MPRIP: variants seen among roughly 807,000 people sequenced by gnomAD.
MPRIP encodes myosin phosphatase Rho interacting protein, also known as myosin phosphatase Rho-interacting protein.
A neutral mutation model predicts 234.9 loss-of-function variants in MPRIP; 59 were observed. The ratio of observed to expected loss-of-function variants is 0.25; its 90% CI spans 0.20 to 0.31. MPRIP has a LOEUF of 0.31. MPRIP is among the 10% of genes least tolerant of loss of function. The pLI is 1.00. For synonymous variants in MPRIP, 1,144 were observed against 1,263.9 expected (o/e 0.91, Z 2.01); for missense variants, 2,436 against 3,071.0 (o/e 0.79, Z 4.89).
At chr17:17,162,441 A>T (rs1109011) in intron 15 of MPRIP, among the ~76,000 whole-genome samples, 5 of 151,526 alleles carry the variant, frequency 3.3e-5, no homozygotes, top group East Asian at 3.9e-4. Context: ...CTCTTTGCAG[A>T]CTCTCTGCTG....
At chr17:17,100,253 A>T (rs762969667) in intron 3 of MPRIP, among the ~76,000 whole-genome samples, 16 of 152,300 alleles carry the variant, frequency 1.1e-4, no homozygotes, top group Non-Finnish European at 2.2e-4. Context: ...CCCTTCCTGA[A>T]TCACCAAGTT....
In MPRIP at chr17:17,185,655, T is replaced by G; in HGVS notation, c.*761T>G. ...TGGTCTTTTCATAACTGCTCGAGATTGTTGACCTGCAGCCCAGGTTTCAGA... is the reference window on the plus strand; with the variant it reads ...TGGTCTTTTCATAACTGCTCGAGATGGTTGACCTGCAGCCCAGGTTTCAGA... On this transcript the variant is annotated 3_prime_UTR_variant, in exon 24 of 24. Coordinates refer to ENST00000651222, the MANE Select transcript of MPRIP (RefSeq NM_001364716.4). 1 of 415,410 alleles carries G rather than the reference T, an allele frequency of 2.4e-6. No individual in the cohort carries two copies. The highest frequency in any genetic ancestry group is 4.9e-6 in the Non-Finnish European group (1 of 205,684). 25.7% of individuals were successfully genotyped at this position (415,410 alleles called of 1,614,324 possible).
chr17:17,188,628 A>C lies in MPRIP; in HGVS notation c.*3734A>C, dbSNP rs1413747868. 1 of 152,236 alleles carries C rather than the reference A, an allele frequency of 6.6e-6. No homozygotes were observed. The highest frequency in any genetic ancestry group is 6.5e-5 in the Admixed American group (1 of 15,280). 9.4% of individuals were successfully genotyped at this position (152,236 alleles called of 1,614,324 possible). ...GATGGCTTGAAAAACATTTTTATGG[A>C]ATGTATTTACTATCATTTTGTTTTA... is the stretch of plus-strand genomic sequence containing the variant. On this transcript the variant is annotated 3_prime_UTR_variant, in exon 24 of 24. Transcript: ENST00000651222.
At chr17:17,056,405 T>TA (rs1185079007) in intron 1 of MPRIP, among the ~76,000 whole-genome samples, 1 of 152,084 alleles carries the variant, frequency 6.6e-6, no homozygotes, top group Non-Finnish European at 1.5e-5. Flanking sequence ...GGAAGAGGCT[T>TA]TTAAAATGTC....
Position 17,122,098 on chromosome 17 carries a change from A to G in MPRIP, c.268-4604A>G, listed in dbSNP as rs908406115. On this transcript the variant is annotated intron_variant, in intron 3 of 23. Transcript: ENST00000651222. ...ATTCCGTGTCTTTGCTATTGTGAAT[A>G]GTGCTACAGTGAACATACATATGCA... Among the ~76,000 whole-genome samples the G allele has an allele frequency of 9.9e-5, 15 of 152,192 alleles. No homozygotes were observed. The South Asian group carries it at 1.0e-3, about 11-fold the overall frequency.
rs1333241974 is a variant in MPRIP, at chr17:17,138,137, C to T, written c.958C>T (p.Arg320Ter). The T allele has an allele frequency of 8.5e-6, 12 of 1,415,354 alleles. No homozygotes were observed. Among genetic ancestry groups the T allele is most frequent in the Admixed American group, 4.3e-5 (2 of 46,776 alleles). 87.7% of individuals were successfully genotyped at this position (1,415,354 alleles called of 1,614,324 possible). A position where few individuals can be genotyped will look rare whatever the true frequency, so the allele number is the denominator to read the frequency against. Reference protein sequence around the residue: ...LGGPLPSPGPRLPHQMVCSIS... With the variant: ...LGGPLPSPGP ...TGGTCCTCTTCCTTCCCCAGGTCCT[C>T]GACTCCCCCACCAAATGGTCTGCAG... Residue 320 changes from arginine (R) to a stop codon, truncating the protein, a stop_gained, in exon 7 of 24, where the codon CGA becomes TGA. Transcript: ENST00000651222. LOFTEE classifies it high-confidence loss of function. This position sits in a 1 kb window ranked among gnomAD's most constrained non-coding sequence, Gnocchi z 5.8.
intron 15 of MPRIP, 24 bp from the exon 16 acceptor site, chr17:17,164,085 C>T: frequency 7.7e-7 from 1 of 1,300,758 alleles, no homozygotes; most frequent in Non-Finnish European, 1.0e-6. Flanking sequence ...TGTTACTAAC[C>T]AGTATTTAAT....
chr17:17,097,367 C>T lies in MPRIP; in HGVS notation c.267+19291C>T, dbSNP rs187997579. The T allele has an allele frequency of 4.4e-4, 68 of 152,884 alleles. 1 individual carries two copies. In the East Asian group the frequency reaches 8.5e-3, roughly 19 times the overall value. The allele number at this position is 152,884 out of a possible 1,614,324, so 9.5% of individuals were successfully genotyped here. ...TTCTGGCCAGGCATGGTGGTTCATG[C>T]CTGTAATCCCAACACTGTGGTAGGC... is the stretch of plus-strand genomic sequence containing the variant. On this transcript the variant is annotated intron_variant, in intron 3 of 23. Transcript: ENST00000651222.
intron 1 of MPRIP, chr17:17,057,632 G>A: frequency 1.4e-6 from 1 of 718,034 alleles, no homozygotes; most frequent in Non-Finnish European, 2.6e-6. Flanking sequence ...TATTTCTTTG[G>A]CAGCAAAACA....
chr17:17,060,853 CAACT>C (rs2143924921), intron 1 of MPRIP, among the ~76,000 whole-genome samples: 1 of 152,350 alleles, frequency 6.6e-6, no homozygotes, highest in African/African-American at 2.4e-5. Context: ...TTTGGGTCCA[CAACT>C]GTGTGGCTGT....
At chr17:17,089,517 G>C (rs919304236) in intron 3 of MPRIP, among the ~76,000 whole-genome samples, 1 of 151,916 alleles carries the variant, frequency 6.6e-6, no homozygotes, top group Non-Finnish European at 1.5e-5. Context: ...ACCTATCCTG[G>C]AGTGCAGTGG....
intron 1 of MPRIP, among the ~76,000 whole-genome samples, chr17:17,063,866 G>T (rs1338047724): frequency 6.6e-6 from 1 of 152,230 alleles, no homozygotes; most frequent in Non-Finnish European, 1.5e-5. Flanking sequence ...ACAACACTGG[G>T]TATAGTAGGC....
chr17:17,126,919 G>A (rs145309229), intron 4 of MPRIP, 66 bp downstream of exon 4: 38 of 1,558,762 alleles, frequency 2.4e-5, no homozygotes, highest in African/African-American at 9.5e-5. Flanking sequence ...CAGATGGGCC[G>A]CCTGCCCCTG....
chr17:17,164,377 G>A lies in MPRIP; in HGVS notation c.2786G>A (p.Arg929Gln), dbSNP rs2045936472. The A allele has an allele frequency of 3.9e-6, 5 of 1,295,318 alleles. No individual in the cohort carries two copies. The African/African-American group carries it at 4.6e-5, about 12-fold the overall frequency. The allele number at this position is 1,295,318 out of a possible 1,614,324, so 80.2% of individuals were successfully genotyped here. A position where few individuals can be genotyped will look rare whatever the true frequency, so the allele number is the denominator to read the frequency against. ...GCCAAGCTCAAGGGCGACCTGAAGCGGGAGCAGGGCCGGGTCCGCGAGCAG... is the reference window on the plus strand; with the variant it reads ...GCCAAGCTCAAGGGCGACCTGAAGCAGGAGCAGGGCCGGGTCCGCGAGCAG... ...ALAKLKGDLK[R>Q]EQGRVREQLE... The change falls in exon 16 of 24, where the codon CGG becomes CAG. Residue 929 changes from arginine (R) to glutamine (Q), a missense_variant. By Grantham distance (43) the Arg-to-Gln change is conservative. Around this residue, in one of 4 missense-constraint regions of MPRIP, gnomAD observed 1,998 missense variants for 2,520.3 expected, o/e 0.79. Coordinates refer to ENST00000651222, the MANE Select transcript of MPRIP (RefSeq NM_001364716.4).
At chr17:17,184,795 T>A in intron 23 of MPRIP, 28 bp from the exon 24 acceptor site, 1 of 1,590,170 alleles carries the variant, frequency 6.3e-7, no homozygotes, top group Non-Finnish European at 8.6e-7. Flanking sequence ...GTGTGTTTAT[T>A]TTCTCCTCCT....
At chr17:17,104,196 A>C (rs1845066893) in intron 3 of MPRIP, among the ~76,000 whole-genome samples, 1 of 152,230 alleles carries the variant, frequency 6.6e-6, no homozygotes, top group Admixed American at 6.5e-5. Context: ...AGGAAAACTG[A>C]GGCCTAGAGA....
chr17:17,140,982 G>A (rs759800588), intron 7 of MPRIP, among the ~76,000 whole-genome samples: 17 of 152,224 alleles, frequency 1.1e-4, no homozygotes, highest in Non-Finnish European at 2.2e-4. Flanking sequence ...TTTCCACCTC[G>A]CCCAGTAGAT....
At chr17:17,129,303 C>T (rs2090552346) in intron 4 of MPRIP, among the ~76,000 whole-genome samples, 1 of 152,168 alleles carries the variant, frequency 6.6e-6, no homozygotes, top group South Asian at 2.1e-4. Context: ...CCCCTGTTCT[C>T]ACTCATCCGG....
At position 17,164,624 on chromosome 17, in the gene MPRIP, G is replaced by A. The variant is rs749857081; in HGVS notation, c.3033G>A (p.Gln1011=). ...AACTGGGCGCCAGTGAGCAGGCGCA[G>A]CGGCTGATGGAGGAGAAGCTGCAGA... The part of the protein sequence containing the change: ...SQQLGASEQA[Q]RLMEEKLQRN... Residue 1011 remains glutamine (Q), a synonymous_variant, in exon 16 of 24, where the codon CAG becomes CAA. Transcript: ENST00000651222. The A allele has an allele frequency of 9.0e-6, 11 of 1,220,398 alleles. No homozygotes were observed. The highest frequency in any genetic ancestry group is 1.2e-5 in the Non-Finnish European group (11 of 951,212). The allele number at this position is 1,220,398 out of a possible 1,614,324, so 75.6% of individuals were successfully genotyped here.
Sources: allele counts gnomAD v4.1 joint callset (sites outside exome capture counted in the v4.1 genomes callset), GRCh38; gene constraint gnomAD v4.1.1; regional missense constraint gnomAD v4.1.1; non-coding constraint Gnocchi (gnomAD v3.1); transcripts MANE v1.5; gene names NCBI Gene and HGNC (gene_info 2026-07-23, HGNC 2026-07-21).